NPNT: variants seen among roughly 807,000 people sequenced by gnomAD.
NPNT encodes preosteoblast EGF-like repeat protein with MAM domain.
NPNT carries 45 observed loss-of-function variants against 68.6 expected under a neutral mutation model. The ratio of observed to expected loss-of-function variants is 0.66; its 90% CI spans 0.52 to 0.84. NPNT has a LOEUF of 0.84. Ranked by LOEUF, NPNT falls within the 40% of genes least tolerant of loss-of-function variation. The pLI is 0.00. For missense variants in NPNT, 672 were observed against 714.8 expected (o/e 0.94, Z 0.68); for synonymous variants, 233 against 253.3 (o/e 0.92, Z 0.76).
chr4:105,968,942 A>G lies in NPNT; in HGVS notation c.1650A>G (p.Gly550=), dbSNP rs1235611180. 6.2e-7 allele frequency: 1 copy of G among 1,613,604 alleles called. No individual in the cohort carries two copies. The highest frequency in any genetic ancestry group is 1.3e-5 in the African/African-American group (1 of 74,902). Residue 550 remains glycine, a synonymous_variant, in exon 12 of 12, where the codon GGA becomes GGG. Coordinates refer to ENST00000379987, the MANE Select transcript of NPNT (RefSeq NM_001033047.3). ...GGCGTGGTCACACTGGGGAGATTGG[A>G]TTAGATGATGTGAGCTTGAAAAAAG... The part of the protein sequence containing the change: ...EKRRGHTGEI[G]LDDVSLKKGH...
chr4:105,964,301 A>G (rs1023038871), intron 10 of NPNT, among the ~76,000 whole-genome samples: 7 of 152,208 alleles, frequency 4.6e-5, no homozygotes, highest in African/African-American at 1.7e-4. Context: ...CCCTCCACAG[A>G]GGAACATAAG....
intron 7 of NPNT, 51 bp from the exon 8 acceptor site, chr4:105,942,256 C>G: frequency 6.9e-7 from 1 of 1,447,102 alleles, no homozygotes; most frequent in African/African-American, 1.4e-5. Flanking sequence ...TAATGCTTCA[C>G]TTTTTAGGGA....
chr4:105,938,985 A>T (rs1314827983), intron 5 of NPNT, among the ~76,000 whole-genome samples: 1 of 152,194 alleles, frequency 6.6e-6, no homozygotes, highest in Non-Finnish European at 1.5e-5. Flanking sequence ...GAGATCATGG[A>T]TGCAAAGAGC....
intron 3 of NPNT, among the ~76,000 whole-genome samples, chr4:105,928,370 T>C (rs1267059130): frequency 6.6e-6 from 1 of 152,110 alleles, no homozygotes; most frequent in Non-Finnish European, 1.5e-5. Flanking sequence ...TCCCAGCACT[T>C]TGGGAAGCTG....
At chr4:105,902,886 A>C (rs575858855) in intron 2 of NPNT, 1 of 152,306 alleles carries the variant, frequency 6.6e-6, no homozygotes, top group African/African-American at 2.4e-5. Context: ...ACTGATCTTT[A>C]TGTAATACTA....
At chr4:105,926,636 A>G (rs1202728904) in intron 2 of NPNT, among the ~76,000 whole-genome samples, 1 of 152,238 alleles carries the variant, frequency 6.6e-6, no homozygotes, top group Non-Finnish European at 1.5e-5. Context: ...TATTTGAGTG[A>G]TGATTTACAG....
rs778963111 is a variant in NPNT, at chr4:105,967,363, C to T, written c.1521C>T (p.His507=). Residue 507 remains histidine (H), a synonymous_variant, in exon 11 of 12, where the codon CAC becomes CAT. Coordinates refer to ENST00000379987, the MANE Select transcript of NPNT (RefSeq NM_001033047.3). The part of the protein sequence containing the change: ...LQVFVRKHGA[H]GAALWGRNGG... The stretch of plus-strand genomic sequence containing the variant: ...TGTTTGTGAGAAAACACGGTGCCCA[C>T]GGAGCAGCCCTGTGGGGAAGAAATG... 4.4e-6 allele frequency: 7 copies of T among 1,608,294 alleles called. No individual in the cohort carries two copies. Among genetic ancestry groups the T allele is most frequent in the South Asian group, 2.2e-5 (2 of 90,088 alleles).
At chr4:105,943,131 C>T (rs549602472) in intron 8 of NPNT, among the ~76,000 whole-genome samples, 2 of 152,206 alleles carry the variant, frequency 1.3e-5, no homozygotes, top group African/African-American at 4.8e-5. Context: ...AAAGATAAAA[C>T]AGAAAAGGTC....
intron 10 of NPNT, among the ~76,000 whole-genome samples, chr4:105,962,236 T>G (rs1220649125): frequency 6.6e-6 from 1 of 152,130 alleles, no homozygotes; most frequent in Non-Finnish European, 1.5e-5. Flanking sequence ...ATGAGAAGAA[T>G]AGAGTTGGTC....
chr4:105,912,115 G>C, intron 2 of NPNT: 1 of 1,047,986 alleles, frequency 9.5e-7, no homozygotes, highest in South Asian at 1.3e-5. Context: ...GTAACAAGTT[G>C]ATAAATACCC....
At chr4:105,931,255 A>G (rs1384316413) in intron 3 of NPNT, among the ~76,000 whole-genome samples, 1 of 152,202 alleles carries the variant, frequency 6.6e-6, no homozygotes, top group Non-Finnish European at 1.5e-5. Flanking sequence ...GCATATTCTC[A>G]GAAATGAAAG....
chr4:105,928,681 T>C (rs1393212610), intron 3 of NPNT, among the ~76,000 whole-genome samples: 2 of 151,270 alleles, frequency 1.3e-5, no homozygotes, highest in African/African-American at 4.9e-5. Flanking sequence ...TAGGGTTAGA[T>C]TTCACTAAAT....
At chr4:105,966,953 G>A (rs1056813845) in intron 10 of NPNT, among the ~76,000 whole-genome samples, 2 of 152,090 alleles carry the variant, frequency 1.3e-5, no homozygotes, top group Non-Finnish European at 2.9e-5. Flanking sequence ...ACTAATTATT[G>A]TGTGTCTCTG....
At position 105,967,278 on chromosome 4, in the gene NPNT, G is replaced by A. The variant is rs1732232453; in HGVS notation, c.1436G>A (p.Gly479Glu). Residue 479 changes from glycine (G) to glutamate (E), a missense_variant, in exon 11 of 12, where the codon GGG becomes GAG. Gly to Glu is a moderately conservative substitution (Grantham distance 98). Coordinates refer to ENST00000379987, the MANE Select transcript of NPNT (RefSeq NM_001033047.3). ...VLPLGRLMHS[G>E]DLCLSFRHKV... ...CCTCTCGGCCGCCTCATGCATTCAG[G>A]GGACCTGTGCCTGTCATTCAGGCAC... is the stretch of plus-strand genomic sequence containing the variant. 3 of 1,613,914 alleles carry A rather than the reference G, an allele frequency of 1.9e-6. No individual in the cohort carries two copies. The highest frequency in any genetic ancestry group is 2.5e-6 in the Non-Finnish European group (3 of 1,180,006).
At chr4:105,926,387 G>A (rs954432835) in intron 2 of NPNT, among the ~76,000 whole-genome samples, 9 of 152,152 alleles carry the variant, frequency 5.9e-5, no homozygotes, top group African/African-American at 1.9e-4. Flanking sequence ...AGGTTTCCGA[G>A]TCTGGCACGA....
chr4:105,966,484 G>T (rs529590133), intron 10 of NPNT, among the ~76,000 whole-genome samples: 2 of 152,252 alleles, frequency 1.3e-5, no homozygotes, highest in African/African-American at 2.4e-5. Context: ...TTATAGAATA[G>T]ATATGATATA....
chr4:105,939,686 G>A (rs1037132850), intron 5 of NPNT, among the ~76,000 whole-genome samples: 2 of 152,138 alleles, frequency 1.3e-5, no homozygotes, highest in Non-Finnish European at 2.9e-5. Context: ...AAATAGGGTA[G>A]TGGTGGTGGA....
intron 10 of NPNT, among the ~76,000 whole-genome samples, chr4:105,963,586 TGCAGGTATGTA>T (rs1731902140): frequency 6.6e-6 from 1 of 151,964 alleles, no homozygotes; most frequent in Non-Finnish European, 1.5e-5. Flanking sequence ...GGTGATGCGC[TGCAGGTATGTA>T]GCTGTGGCCC....
At chr4:105,941,904 T>C (rs1451004676) in intron 7 of NPNT, among the ~76,000 whole-genome samples, 2 of 152,128 alleles carry the variant, frequency 1.3e-5, no homozygotes, top group African/African-American at 4.8e-5. Flanking sequence ...ACAACGTAGA[T>C]TCTAACTATG....
Sources: gnomAD v4.1 joint callset for allele counts (sites outside exome capture counted in the v4.1 genomes callset) on GRCh38, gnomAD v4.1.1 for gene constraint, MANE v1.5 for transcripts, NCBI Gene and HGNC (gene_info 2026-07-23, HGNC 2026-07-21) for gene names.